The following JCAD variants were observed in gnomAD, a reference collection of about 807,000 sequenced individuals.
JCAD encodes the protein junctional cadherin 5-associated protein.
Under a neutral mutation model 98.0 loss-of-function variants are expected in JCAD, and 40 were observed. The ratio of observed to expected loss-of-function variants is 0.41; its 90% CI spans 0.32 to 0.53. The LOEUF (loss-of-function observed/expected upper bound fraction) is 0.53. JCAD is among the 20% of genes least tolerant of loss of function. The pLI is 0.31. For missense variants in JCAD, 1,705 were observed against 1,738.1 expected (o/e 0.98, Z 0.34); for synonymous variants, 691 against 682.3 (o/e 1.01, Z -0.20).
chr10:30,021,461 G>T (rs1422980089), intron 3 of JCAD, among the ~76,000 whole-genome samples: 50 of 152,192 alleles, frequency 3.3e-4, no homozygotes, highest in Non-Finnish European at 1.5e-5. Context: ...GAAAGTACTG[G>T]GATTACAATC....
rs1436569988 is a variant in JCAD at position 30,047,860 on chromosome 10, C to T, written c.-48G>A. Reference sequence around the variant, plus strand: ...TCAACCACTGGAACCATGGTGGTGGCAGGACCCAGCACTGCAGGACAACAG... The same window carrying T: ...TCAACCACTGGAACCATGGTGGTGGTAGGACCCAGCACTGCAGGACAACAG... On this transcript the variant is annotated 5_prime_UTR_variant, in exon 2 of 4. Transcript: ENST00000375377. 3 of 1,557,420 alleles carry T rather than the reference C, an allele frequency of 1.9e-6. No individual in the cohort carries two copies. The highest frequency in any genetic ancestry group is 2.6e-6 in the Non-Finnish European group (3 of 1,149,646).
At chr10:30,022,378 T>C (rs1045889098) in intron 3 of JCAD, among the ~76,000 whole-genome samples, 3 of 150,874 alleles carry the variant, frequency 2.0e-5, no homozygotes, top group African/African-American at 4.9e-5. Flanking sequence ...GCTGGGGTCA[T>C]GGGGGCAGCA....
At chr10:30,097,519 G>T (rs1188902417) in intron 1 of JCAD, among the ~76,000 whole-genome samples, 1 of 152,148 alleles carries the variant, frequency 6.6e-6, no homozygotes, top group Non-Finnish European at 1.5e-5. Flanking sequence ...AGAGGTTGAG[G>T]TAGGCAGATA....
At chr10:30,109,940 G>A (rs9988732) in intron 1 of JCAD, among the ~76,000 whole-genome samples, 73,306 of 151,484 alleles carry the variant, frequency 0.48, 19,013 homozygotes, top group African/African-American at 0.67. Flanking sequence ...AGACCCCCCT[G>A]TGTATGGACC....
At chr10:30,057,549 C>CTCAGGCCAAACTTCTTTTT (rs1215603677) in intron 1 of JCAD, among the ~76,000 whole-genome samples, 3 of 152,146 alleles carry the variant, frequency 2.0e-5, no homozygotes, top group African/African-American at 7.2e-5. Context: ...CATGTGGACA[C>CTCAGGCCAAACTTCTTTTT]TCAGGCCAAA....
At chr10:30,098,653 C>G (rs1838417190) in intron 1 of JCAD, among the ~76,000 whole-genome samples, 1 of 152,216 alleles carries the variant, frequency 6.6e-6, no homozygotes, top group African/African-American at 2.4e-5. Context: ...AGATTTTCGA[C>G]ATGACAAGTG....
At chr10:30,064,032 C>T (rs1236207353), upstream of JCAD, among the ~76,000 whole-genome samples, 2 of 152,090 alleles carry the variant, frequency 1.3e-5, no homozygotes, top group Non-Finnish European at 2.9e-5. Flanking sequence ...GTCTCGAACT[C>T]CTGACCTTGC....
At chr10:30,088,836 G>C (rs1838208911) in intron 1 of JCAD, among the ~76,000 whole-genome samples, 1 of 152,138 alleles carries the variant, frequency 6.6e-6, no homozygotes, top group Non-Finnish European at 1.5e-5. Context: ...CAGGGGTGGT[G>C]GTGGCGCATG....
intron 1 of JCAD, among the ~76,000 whole-genome samples, chr10:30,089,558 C>T (rs1429348555): frequency 1.5e-5 from 2 of 136,374 alleles, no homozygotes; most frequent in South Asian, 2.2e-4. Context: ...GTGTTTGCTA[C>T]TAATGGCTGT....
chr10:30,051,166 A>G (rs1837458795), intron 1 of JCAD, among the ~76,000 whole-genome samples: 1 of 152,160 alleles, frequency 6.6e-6, no homozygotes, highest in Admixed American at 6.5e-5. Flanking sequence ...GGTGGCATTA[A>G]AATTAAAAAC....
At chr10:30,050,056 C>T (rs1244549549) in intron 1 of JCAD, among the ~76,000 whole-genome samples, 3 of 151,942 alleles carry the variant, frequency 2.0e-5, no homozygotes, top group Non-Finnish European at 4.4e-5. Flanking sequence ...TGGCTCGCAC[C>T]TATAATCCCA....
intron 2 of JCAD, among the ~76,000 whole-genome samples, chr10:30,067,698 T>C (rs61841132): frequency 2.6e-5 from 4 of 152,206 alleles, no homozygotes; most frequent in African/African-American, 9.7e-5. Context: ...TGTCCTTCGA[T>C]GTACAAAAGG....
intron 1 of JCAD, among the ~76,000 whole-genome samples, chr10:30,077,792 T>C (rs117798296): frequency 1.3e-5 from 2 of 152,366 alleles, no homozygotes; most frequent in East Asian, 3.9e-4. Flanking sequence ...ATGGTACATA[T>C]ATGACATTTA....
intron 1 of JCAD, among the ~76,000 whole-genome samples, chr10:30,110,539 A>T (rs1332037018): frequency 1.4e-5 from 2 of 146,660 alleles, no homozygotes; most frequent in Non-Finnish European, 3.0e-5. Context: ...GATGTATAGG[A>T]CAGCTGATGT....
chr10:30,072,545 C>A (rs949606095), intron 1 of JCAD, among the ~76,000 whole-genome samples: 5 of 152,026 alleles, frequency 3.3e-5, no homozygotes, highest in African/African-American at 1.2e-4. Flanking sequence ...TAGTCTGAAT[C>A]TATGAAATTA....
chr10:30,025,188 G>A (rs1836763263), intron 3 of JCAD, among the ~76,000 whole-genome samples: 1 of 151,876 alleles, frequency 6.6e-6, no homozygotes, highest in African/African-American at 2.4e-5. Context: ...AACTCAACTC[G>A]TAAGGACCAA....
intron 1 of JCAD, among the ~76,000 whole-genome samples, chr10:30,112,147 C>A (rs190936485): frequency 6.6e-6 from 1 of 152,092 alleles, no homozygotes; most frequent in African/African-American, 2.4e-5. Flanking sequence ...GAATGGAGGA[C>A]CGATGCAGGC....
At chr10:30,095,215 C>A (rs1838349761) in intron 1 of JCAD, among the ~76,000 whole-genome samples, 1 of 152,186 alleles carries the variant, frequency 6.6e-6, no homozygotes, top group Non-Finnish European at 1.5e-5. Flanking sequence ...CAATTTTGCC[C>A]ATGATGGACA....
chr10:30,071,714 G>T (rs1837894252), intron 1 of JCAD, among the ~76,000 whole-genome samples: 1 of 152,052 alleles, frequency 6.6e-6, no homozygotes, highest in South Asian at 2.1e-4. Context: ...GGGGGCGGAG[G>T]TTGCAAGGAG....
Sources: allele counts gnomAD v4.1 joint callset (sites outside exome capture counted in the v4.1 genomes callset), GRCh38; gene constraint gnomAD v4.1.1; transcripts MANE v1.5; gene names NCBI Gene and HGNC (gene_info 2026-07-23, HGNC 2026-07-21).